Variants in ANP32B observed in about 807,000 individuals in gnomAD.
ANP32B encodes acidic nuclear phosphoprotein 32 family member B.
Under a neutral mutation model 32.2 loss-of-function variants are expected in ANP32B, and 6 were observed. The ratio of observed to expected loss-of-function variants is 0.19; its 90% CI spans 0.10 to 0.37. The LOEUF is 0.37. ANP32B is among the 10% of genes least tolerant of loss of function. The probability of loss-of-function intolerance (pLI) is 1.00; values close to 1 mark genes in which losing one functional copy is unlikely to be tolerated. For synonymous variants in ANP32B, 98 were observed against 105.8 expected (o/e 0.93, Z 0.45); for missense variants, 204 against 289.2 (o/e 0.71, Z 2.14).
At chr9:98,009,918 T>C (rs901622957) in intron 4 of ANP32B, among the ~76,000 whole-genome samples, 18 of 152,366 alleles carry the variant, frequency 1.2e-4, no homozygotes, top group Admixed American at 9.8e-4. Flanking sequence ...AGGCAAAAAT[T>C]AATGAGTTAT....
intron 3 of ANP32B, among the ~76,000 whole-genome samples, chr9:98,004,498 C>T (rs1165459268): frequency 6.6e-6 from 1 of 152,146 alleles, no homozygotes; most frequent in East Asian, 1.9e-4. Context: ...TGTGCCCTAA[C>T]TAAAATTGTA....
At chr9:97,990,426 G>A (rs1827804241) in intron 1 of ANP32B, among the ~76,000 whole-genome samples, 1 of 152,204 alleles carries the variant, frequency 6.6e-6, no homozygotes, top group Admixed American at 6.5e-5. Context: ...GGGCCCTCCA[G>A]TGGTCTCTGC....
chr9:97,994,570 C>T (rs1221413830), intron 1 of ANP32B, 61 bp from the exon 2 acceptor site: 3 of 1,532,516 alleles, frequency 2.0e-6, no homozygotes, highest in African/African-American at 2.8e-5. Flanking sequence ...GAAGTTTCTG[C>T]ATTGTTGTTT....
chr9:98,001,862 A>C (rs971281725), intron 3 of ANP32B, among the ~76,000 whole-genome samples: 1 of 152,214 alleles, frequency 6.6e-6, no homozygotes, highest in Non-Finnish European at 1.5e-5. Context: ...AAAAAAAAAA[A>C]CCTTCGATAC....
chr9:97,985,074 C>G (rs908494426), intron 1 of ANP32B, among the ~76,000 whole-genome samples: 5 of 150,240 alleles, frequency 3.3e-5, no homozygotes, highest in Non-Finnish European at 6.0e-5. Flanking sequence ...GAGCCCCCCC[C>G]CCGCCGCGGA....
intron 4 of ANP32B, 96 bp downstream of exon 4, chr9:98,005,249 G>A (rs1288122537): frequency 2.6e-5 from 31 of 1,209,618 alleles, no homozygotes; most frequent in East Asian, 5.2e-5. Context: ...GCACACAACC[G>A]TAATCCCAGC....
intron 6 of ANP32B, among the ~76,000 whole-genome samples, chr9:98,014,418 AC>A (rs1222300571): frequency 2.0e-5 from 3 of 152,090 alleles, no homozygotes; most frequent in African/African-American, 7.2e-5. Context: ...AAAAAAAAAA[AC>A]AACCTGTATG....
chr9:98,005,745 A>G (rs768902828), intron 4 of ANP32B, among the ~76,000 whole-genome samples: 29 of 152,286 alleles, frequency 1.9e-4, no homozygotes, highest in Non-Finnish European at 2.4e-4. Flanking sequence ...CCTGAAGTCT[A>G]CAAGCTAAGT....
rs1457011274 is a variant in ANP32B at position 98,015,739 on chromosome 9, T to G, written c.*308T>G. The G allele has an allele frequency of 9.7e-7, 1 of 1,025,996 alleles. No individual in the cohort carries two copies. The highest frequency in any genetic ancestry group is 7.9e-5 in the East Asian group (1 of 12,594). The allele number at this position is 1,025,996 out of a possible 1,614,324, so 63.6% of individuals were successfully genotyped here. A position where few individuals can be genotyped will look rare whatever the true frequency, so the allele number is the denominator to read the frequency against. On this transcript the variant is annotated 3_prime_UTR_variant, in exon 7 of 7. Transcript: ENST00000339399. ...TGAGTCAACCGTCTGTGGCTACCAG[T>G]TACACTGAGATTGTAACAGCATTTT... is the stretch of plus-strand genomic sequence containing the variant.
intron 1 of ANP32B, among the ~76,000 whole-genome samples, chr9:97,992,916 T>C (rs991448609): frequency 3.3e-5 from 5 of 152,144 alleles, no homozygotes; most frequent in African/African-American, 1.2e-4. Flanking sequence ...ATCTCCACTT[T>C]ATGGGAAACT....
chr9:97,988,685 A>G (rs1199219891), intron 1 of ANP32B, among the ~76,000 whole-genome samples: 6 of 152,192 alleles, frequency 3.9e-5, no homozygotes. Flanking sequence ...AGATAACACC[A>G]CTTCACTCCA....
intron 1 of ANP32B, among the ~76,000 whole-genome samples, chr9:97,986,344 T>C (rs1385045568): frequency 1.3e-5 from 2 of 152,238 alleles, no homozygotes; most frequent in Non-Finnish European, 2.9e-5. Context: ...GGTGGTGTGG[T>C]GCTTTTTGCA....
intron 5 of ANP32B, 66 bp from the exon 6 acceptor site, chr9:98,012,355 T>C (rs942120416): frequency 6.4e-6 from 10 of 1,557,790 alleles, no homozygotes; most frequent in Non-Finnish European, 8.7e-6. Context: ...TTGGCAGAAT[T>C]TGTACTATAT....
At chr9:97,994,895 G>T (rs1035167007) in intron 2 of ANP32B, 115 bp downstream of exon 2, 5 of 1,005,176 alleles carry the variant, frequency 5.0e-6, no homozygotes, top group Non-Finnish European at 7.0e-6. Context: ...TTGGAACTGG[G>T]CAGATATGGG....
At chr9:98,005,967 C>T (rs1828075130) in intron 4 of ANP32B, among the ~76,000 whole-genome samples, 1 of 152,182 alleles carries the variant, frequency 6.6e-6, no homozygotes, top group South Asian at 2.1e-4. Flanking sequence ...GTCTGGGCTC[C>T]ACCTCCTGTC....
intron 4 of ANP32B, among the ~76,000 whole-genome samples, chr9:98,010,177 C>T (rs2131591855): frequency 6.6e-6 from 1 of 151,202 alleles, no homozygotes; most frequent in Middle Eastern, 3.4e-3. Flanking sequence ...TCCTATGTGC[C>T]AGGCACTGCG....
chr9:97,998,768 A>C, intron 3 of ANP32B, 90 bp downstream of exon 3: 1 of 833,578 alleles, frequency 1.2e-6, no homozygotes, highest in Non-Finnish European at 1.7e-6. Flanking sequence ...GGCAATAATA[A>C]TTGGTTGAGA....
intron 4 of ANP32B, among the ~76,000 whole-genome samples, chr9:98,007,518 CTA>C (rs1397622705): frequency 6.6e-6 from 1 of 152,178 alleles, no homozygotes; most frequent in Middle Eastern, 3.2e-3. Context: ...GTGCATGAGA[CTA>C]TGTTATGTGT....
intron 1 of ANP32B, 152 bp downstream of exon 1, chr9:97,983,761 G>C (rs1248351377): frequency 5.6e-6 from 3 of 531,474 alleles, no homozygotes; most frequent in African/African-American, 4.0e-5. Context: ...GGCGCGGAGG[G>C]GGGAGCGAGC....
Sources: gnomAD v4.1 joint callset for allele counts (sites outside exome capture counted in the v4.1 genomes callset) on GRCh38, gnomAD v4.1.1 for gene constraint, MANE v1.5 for transcripts, NCBI Gene and HGNC (gene_info 2026-07-23, HGNC 2026-07-21) for gene names.